The following ZNF827 variants were observed in gnomAD, a reference collection of about 807,000 sequenced individuals.
The protein encoded by ZNF827 is zinc finger protein 827.
Under a neutral mutation model 102.4 loss-of-function variants are expected in ZNF827, and 13 were observed. The observed-to-expected ratio is 0.13, with a 90% CI of 0.08 to 0.20. The LOEUF is 0.20. ZNF827 is among the 10% of genes least tolerant of loss of function. The pLI is 1.00. For synonymous variants in ZNF827, 523 were observed against 536.2 expected (o/e 0.98, Z 0.34); for missense variants, 1,103 against 1,344.4 (o/e 0.82, Z 2.81).
intron 8 of ZNF827, among the ~76,000 whole-genome samples, chr4:145,811,711 C>G (rs776421424): frequency 7.9e-5 from 12 of 152,154 alleles, no homozygotes. Flanking sequence ...TGATTTAGGC[C>G]TGAATTTAAA....
chr4:145,767,748 T>C (rs758885833), intron 11 of ZNF827, among the ~76,000 whole-genome samples: 1 of 152,106 alleles, frequency 6.6e-6, no homozygotes, highest in Non-Finnish European at 1.5e-5. Flanking sequence ...CAACCTAAAA[T>C]CTTATACCCA....
chr4:145,779,636 C>G (rs757872166), intron 8 of ZNF827, 125 bp from the exon 9 acceptor site: 203 of 1,298,654 alleles, frequency 1.6e-4, no homozygotes, highest in Non-Finnish European at 2.0e-4. Flanking sequence ...GCAAATGAGT[C>G]TCCGTAACTG....
chr4:145,926,609 G>A (rs1202954006), intron 1 of ZNF827, among the ~76,000 whole-genome samples: 1 of 152,138 alleles, frequency 6.6e-6, no homozygotes, highest in Non-Finnish European at 1.5e-5. Context: ...ATTAACAGTG[G>A]TTATCTCTGG....
intron 1 of ZNF827, among the ~76,000 whole-genome samples, chr4:145,926,662 T>C (rs558479143): frequency 6.6e-6 from 1 of 152,226 alleles, no homozygotes; most frequent in African/African-American, 2.4e-5. Context: ...TTAAGCATTA[T>C]CGCATGAGTT....
intron 3 of ZNF827, among the ~76,000 whole-genome samples, chr4:145,887,460 C>T (rs889637967): frequency 1.3e-5 from 2 of 152,098 alleles, no homozygotes; most frequent in African/African-American, 4.8e-5. Flanking sequence ...TGGTGAGATC[C>T]TGTCGCTACA....
chr4:145,864,368 T>C (rs1747989025), intron 5 of ZNF827, among the ~76,000 whole-genome samples: 1 of 141,104 alleles, frequency 7.1e-6, no homozygotes. Context: ...GAGGACTGCT[T>C]GAGGCCAGGA....
At chr4:145,837,051 C>T (rs1290265639) in intron 7 of ZNF827, among the ~76,000 whole-genome samples, 2 of 152,126 alleles carry the variant, frequency 1.3e-5, no homozygotes, top group African/African-American at 4.8e-5. Context: ...TAGGTAGAGG[C>T]CTTTCCTACA....
intron 1 of ZNF827, among the ~76,000 whole-genome samples, chr4:145,915,839 T>G (rs933142815): frequency 3.9e-5 from 6 of 152,186 alleles, no homozygotes; most frequent in African/African-American, 9.7e-5. Context: ...ATTAAACAAG[T>G]TATCCACTTC....
chr4:145,904,859 G>A (rs1265979753), intron 1 of ZNF827, among the ~76,000 whole-genome samples: 1 of 152,200 alleles, frequency 6.6e-6, no homozygotes, highest in Non-Finnish European at 1.5e-5. Context: ...GCAAGCGAGT[G>A]TTATGACATG....
intron 8 of ZNF827, among the ~76,000 whole-genome samples, chr4:145,814,660 G>A (rs149157712): frequency 0.042 from 6,368 of 150,812 alleles, 270 homozygotes; most frequent in East Asian, 0.14. Flanking sequence ...ACAGTGGCTC[G>A]CACCTGTAAT....
At chr4:145,777,273 A>G (rs1737256899) in intron 9 of ZNF827, among the ~76,000 whole-genome samples, 1 of 152,162 alleles carries the variant, frequency 6.6e-6, no homozygotes, top group Admixed American at 6.5e-5. Context: ...TGAGGTTGTT[A>G]AGTTTTGTTA....
intron 5 of ZNF827, among the ~76,000 whole-genome samples, chr4:145,855,711 A>G (rs1258476157): frequency 6.6e-6 from 1 of 152,202 alleles, no homozygotes; most frequent in Non-Finnish European, 1.5e-5. Flanking sequence ...CAGAAAAGGA[A>G]ATGTTTATTC....
rs1026277029 is a variant in ZNF827 at position 145,757,746 on chromosome 4, C to T, written c.*3870G>A. On this transcript the variant is annotated 3_prime_UTR_variant, in exon 15 of 15. Transcript: ENST00000508784. ...TATACCAGTTACTGTCAAAATGACC[C>T]TGTACAGCCTCGTAATGCAAAAAGC... is the stretch of plus-strand genomic sequence containing the variant. 1 of 151,528 alleles carries T rather than the reference C, an allele frequency of 6.6e-6. No individual in the cohort carries two copies. The highest frequency in any genetic ancestry group is 1.5e-5 in the Non-Finnish European group (1 of 67,958). The allele number at this position is 151,528 out of a possible 1,614,324, so 9.4% of individuals were successfully genotyped here.
chr4:145,825,521 T>A (rs111713677), intron 7 of ZNF827, among the ~76,000 whole-genome samples: 2,328 of 152,216 alleles, frequency 0.015, 73 homozygotes, highest in African/African-American at 0.053. Flanking sequence ...GTGGCCAATG[T>A]CGCCAGCCAG....
chr4:145,883,478 C>T (rs1478337320), intron 4 of ZNF827, among the ~76,000 whole-genome samples: 3 of 152,162 alleles, frequency 2.0e-5, no homozygotes, highest in Non-Finnish European at 2.9e-5. Context: ...TGGCTTCTCC[C>T]CTCGTGTCTG....
chr4:145,921,430 A>C lies in ZNF827; in HGVS notation c.43+16935T>G, dbSNP rs1044473316. On this transcript the variant is annotated intron_variant, in intron 1 of 14. Transcript: ENST00000508784. ...ATGGTGGCAGTGTGGAGACTGGATT[A>C]CAGAGGCAGGGGTTGGGGAGGGGAG... Among the ~76,000 whole-genome samples the C allele has an allele frequency of 7.0e-5, 10 of 143,586 alleles. No homozygotes were observed. In the Admixed American group the frequency reaches 7.1e-4, roughly 10 times the overall value. 94.2% of individuals were successfully genotyped at this position (143,586 alleles called of 152,430 possible).
At chr4:145,808,543 T>A (rs958759764) in intron 8 of ZNF827, among the ~76,000 whole-genome samples, 1 of 152,188 alleles carries the variant, frequency 6.6e-6, no homozygotes, top group Non-Finnish European at 1.5e-5. Flanking sequence ...AAAGCCCCGA[T>A]AGGAAAGAGG....
chr4:145,924,785 C>T (rs1753309258), intron 1 of ZNF827, among the ~76,000 whole-genome samples: 1 of 152,208 alleles, frequency 6.6e-6, no homozygotes, highest in Admixed American at 6.5e-5. Context: ...TCTGGGCCAA[C>T]CCCTTCCATA....
chr4:145,918,118 C>A (rs60002343), intron 1 of ZNF827, among the ~76,000 whole-genome samples: 326 of 152,156 alleles, frequency 2.1e-3, no homozygotes, highest in African/African-American at 7.2e-3. Context: ...TTGCACCAAT[C>A]TAATAAATTT....
Sources: gnomAD v4.1 joint callset for allele counts (sites outside exome capture counted in the v4.1 genomes callset) on GRCh38, gnomAD v4.1.1 for gene constraint, MANE v1.5 for transcripts, NCBI Gene and HGNC (gene_info 2026-07-23, HGNC 2026-07-21) for gene names.